LAMA1: variants seen among roughly 807,000 people sequenced by gnomAD.
LAMA1 encodes laminin subunit alpha 1.
LAMA1 carries 219 observed loss-of-function variants against 348.7 expected under a neutral mutation model. That is an observed-to-expected ratio of 0.63 (90% CI 0.56 to 0.70). LAMA1 has a LOEUF of 0.70. Ranked by LOEUF, LAMA1 falls within the 30% of genes least tolerant of loss-of-function variation. LAMA1 has a pLI of 0.00. For missense variants in LAMA1, 3,744 were observed against 3,888.0 expected (o/e 0.96, Z 0.99); for synonymous variants, 1,487 against 1,491.0 (o/e 1.00, Z 0.06).
chr18:6,943,119 A>C, intron 62 of LAMA1, 61 bp downstream of exon 62: 15 of 1,444,898 alleles, frequency 1.0e-5, no homozygotes, highest in Non-Finnish European at 1.5e-5. Flanking sequence ...ATCCACCTGA[A>C]CCAAGACTTC....
intron 1 of LAMA1, among the ~76,000 whole-genome samples, chr18:7,114,928 T>C (rs1390368931): frequency 6.6e-6 from 1 of 152,240 alleles, no homozygotes; most frequent in African/African-American, 2.4e-5. Flanking sequence ...ATGTATTTAT[T>C]CTAATATTCT....
chr18:6,980,474 T>C, intron 42 of LAMA1, 47 bp downstream of exon 42: 1 of 1,173,536 alleles, frequency 8.5e-7, no homozygotes, highest in Non-Finnish European at 1.3e-6. Context: ...AGTGATGCTT[T>C]TACAATGAGA....
intron 6 of LAMA1, among the ~76,000 whole-genome samples, 179 bp from the exon 7 acceptor site, chr18:7,045,018 T>C (rs1361232730): frequency 6.6e-6 from 1 of 152,168 alleles, no homozygotes; most frequent in Non-Finnish European, 1.5e-5. Flanking sequence ...ACAAATAACC[T>C]GGTTACAAAC....
At chr18:6,986,554 CTT>C (rs71165711) in intron 36 of LAMA1, among the ~76,000 whole-genome samples, 17 of 146,276 alleles carry the variant, frequency 1.2e-4, no homozygotes, top group East Asian at 2.0e-4. Flanking sequence ...AACAAATTGT[CTT>C]TTTTTTTTTT....
chr18:6,961,612 G>A lies in LAMA1; in HGVS notation c.7600C>T (p.Arg2534Trp), dbSNP rs376978539. The A allele has an allele frequency of 1.2e-4, 199 of 1,613,784 alleles. No homozygotes were observed. The highest frequency in any genetic ancestry group is 1.1e-3 in the African/African-American group (85 of 75,010). The change falls in exon 53 of 63, where the codon CGG becomes TGG. Residue 2534 changes from arginine (R) to tryptophan (W), a missense_variant. Arg to Trp is a moderately radical substitution (Grantham distance 101). Transcript: ENST00000389658. Reference sequence around the variant, plus strand: ...ACGTGTGCTTCCTCACGATCACCCCGCTTCTCCACATCCCCGCCGAGGGCA... The same window carrying A: ...ACGTGTGCTTCCTCACGATCACCCCACTTCTCCACATCCCCGCCGAGGGCA... ...LAALGGDVEKRGDREEAHVPF... is the reference protein window; with the variant it reads ...LAALGGDVEKWGDREEAHVPF...
intron 1 of LAMA1, among the ~76,000 whole-genome samples, chr18:7,099,434 C>T (rs1040496044): frequency 5.9e-5 from 9 of 151,342 alleles, no homozygotes; most frequent in Non-Finnish European, 7.4e-5. Flanking sequence ...GCCAAATCCC[C>T]CTCTGTGAGA....
chr18:7,090,549 T>C (rs1032956982), intron 1 of LAMA1, among the ~76,000 whole-genome samples: 1 of 152,130 alleles, frequency 6.6e-6, no homozygotes, highest in Non-Finnish European at 1.5e-5. Flanking sequence ...TTGATGGCTG[T>C]TAGTAAAAGA....
intron 53 of LAMA1, among the ~76,000 whole-genome samples, chr18:6,960,921 G>A (rs962421945): frequency 1.1e-4 from 16 of 152,188 alleles, no homozygotes; most frequent in Admixed American, 9.8e-4. Context: ...AGCAATGTCT[G>A]TAAAGTACCC....
intron 57 of LAMA1, among the ~76,000 whole-genome samples, chr18:6,952,089 G>C (rs1274610829): frequency 6.6e-6 from 1 of 152,178 alleles, no homozygotes; most frequent in Non-Finnish European, 1.5e-5. Context: ...AGCTACACAG[G>C]TAGGTTCTGC....
intron 46 of LAMA1, among the ~76,000 whole-genome samples, chr18:6,973,848 A>G (rs941761782): frequency 6.6e-6 from 1 of 152,184 alleles, no homozygotes; most frequent in African/African-American, 2.4e-5. Flanking sequence ...TGGTGTGATC[A>G]TTGCTCACTG....
At chr18:6,965,864 A>G (rs1390736469) in intron 49 of LAMA1, 2 of 444,128 alleles carry the variant, frequency 4.5e-6, no homozygotes, top group Non-Finnish European at 8.1e-6. Context: ...TTGAGCTCGA[A>G]ATTTAATAAC....
chr18:6,949,236 T>G lies in LAMA1; in HGVS notation c.8421A>C (p.Arg2807Ser). 2 of 1,614,202 alleles carry G rather than the reference T, an allele frequency of 1.2e-6. No homozygotes were observed. Among genetic ancestry groups the G allele is most frequent in the South Asian group, 1.1e-5 (1 of 91,082 alleles). The change falls in exon 59 of 63, where the codon AGA (arginine) becomes AGC (serine). Residue 2807 changes from arginine to serine, a missense_variant. This residue lies in a region of LAMA1 where 1,983 missense variants were observed against 1,934.3 expected (regional missense o/e 1.03). Coordinates refer to ENST00000389658, the MANE Select transcript of LAMA1 (RefSeq NM_005559.4). ...GGCCGTCGACAGTTATGAAGCCTTT[T>G]CTTTTAACATAGTCTGTCTTGACCT... ...WHTVKTDYVKRKGFITVDGRE... is the reference protein window; with the variant it reads ...WHTVKTDYVKSKGFITVDGRE...
rs750722310 is a variant in LAMA1, at chr18:6,978,241, T to C, written c.6145A>G (p.Thr2049Ala). The change falls in exon 43 of 63, where the codon ACA becomes GCA. Residue 2049 changes from threonine to alanine, a missense_variant. Physicochemically the swap from Thr to Ala is moderately conservative, Grantham distance 58 (BLOSUM62 0). Coordinates refer to ENST00000389658, the MANE Select transcript of LAMA1 (RefSeq NM_005559.4). ...AGAAGCTGGTGTGTCTCTCGTAATGTGGTGTTGACCCTGGACAGGCTGGCA... is the reference window on the plus strand; with the variant it reads ...AGAAGCTGGTGTGTCTCTCGTAATGCGGTGTTGACCCTGGACAGGCTGGCA... The part of the protein sequence containing the change: ...TSASLSRVNT[T>A]LRETHQLLQD... 1.7e-5 allele frequency: 28 copies of C among 1,614,126 alleles called. No individual in the cohort carries two copies. The South Asian group carries it at 2.2e-4, about 13-fold the overall frequency.
chr18:7,087,410 G>A (rs986574755), intron 1 of LAMA1, among the ~76,000 whole-genome samples: 7 of 152,142 alleles, frequency 4.6e-5, no homozygotes, highest in East Asian at 1.9e-4. Context: ...GATGCTCCAC[G>A]CCATCTTGGC....
intron 48 of LAMA1, among the ~76,000 whole-genome samples, chr18:6,967,208 GTATAAC>G (rs2057637169): frequency 6.6e-6 from 1 of 152,176 alleles, no homozygotes; most frequent in Admixed American, 6.5e-5. Context: ...GGTTTCAAAT[GTATAAC>G]TATAACTACC....
chr18:6,950,644 G>T, intron 58 of LAMA1, 138 bp downstream of exon 58: 1 of 984,846 alleles, frequency 1.0e-6, no homozygotes, highest in Non-Finnish European at 1.6e-6. Flanking sequence ...AAGACTTGTA[G>T]TCTCTGGGGG....
Position 7,038,791 on chromosome 18 carries a change from C to T in LAMA1, c.1563+19G>A, listed in dbSNP as rs1162998684. On this transcript the variant is annotated intron_variant, in intron 11 of 62. Transcript: ENST00000389658. ...ACGACCTGCTCATTAAATCCCGCCG[C>T]GCAGATGGCGCCTCCCACCTGACCA... 1.2e-6 allele frequency: 2 copies of T among 1,613,888 alleles called. No individual in the cohort carries two copies. The highest frequency in any genetic ancestry group is 1.3e-5 in the African/African-American group (1 of 75,036).
At chr18:7,086,640 G>C (rs1417240737) in intron 1 of LAMA1, among the ~76,000 whole-genome samples, 2 of 152,086 alleles carry the variant, frequency 1.3e-5, no homozygotes, top group Non-Finnish European at 2.9e-5. Context: ...ACGGCCCTAG[G>C]ACAGTGTCTG....
intron 44 of LAMA1, 140 bp from the exon 45 acceptor site, chr18:6,976,220 C>T (rs748980700): frequency 3.9e-6 from 3 of 767,568 alleles, no homozygotes; most frequent in African/African-American, 1.7e-5. Context: ...GTTCATGTTT[C>T]ATGAAGTGAC....
Sources: allele counts gnomAD v4.1 joint callset (sites outside exome capture counted in the v4.1 genomes callset), GRCh38; gene constraint gnomAD v4.1.1; regional missense constraint gnomAD v4.1.1; transcripts MANE v1.5; gene names NCBI Gene and HGNC (gene_info 2026-07-23, HGNC 2026-07-21).